Variants in ATP1A4 observed in about 807,000 individuals in gnomAD.
The protein encoded by ATP1A4 is sodium/potassium-transporting ATPase subunit alpha-4.
In ATP1A4, 90 loss-of-function variants were observed where a neutral mutation model predicts 114.3. The observed-to-expected ratio is 0.79, with a 90% CI of 0.66 to 0.94. The LOEUF is 0.94. ATP1A4 is among the 40% of genes least tolerant of loss of function. The pLI, the probability that ATP1A4 is intolerant of heterozygous loss-of-function variation, is 0.00. For missense variants in ATP1A4, 1,222 were observed against 1,313.6 expected (o/e 0.93, Z 1.08); for synonymous variants, 511 against 494.1 (o/e 1.03, Z -0.45).
rs1304435803 is a variant in ATP1A4, at chr1:160,181,961, G to C, written c.2899G>C (p.Glu967Gln). Reference protein sequence around the residue: ...NKVLIFGILEETLLAAFLSYT... With the variant: ...NKVLIFGILEQTLLAAFLSYT... ...AGTCTTAATATTTGGGATCCTGGAG[G>C]AGACACTCTTGGCTGCATTTCTGTC... Residue 967 changes from glutamate to glutamine, a missense_variant, in exon 20 of 22, where the codon GAG becomes CAG. Coordinates refer to ENST00000368081, the MANE Select transcript of ATP1A4 (RefSeq NM_144699.4). 1.9e-6 allele frequency: 3 copies of C among 1,614,048 alleles called. No individual in the cohort carries two copies.
At chr1:160,156,367 T>C (rs55950841) in intron 4 of ATP1A4, among the ~76,000 whole-genome samples, 8,544 of 151,410 alleles carry the variant, frequency 0.056, 262 homozygotes, top group Non-Finnish European at 0.064. Context: ...TGAAGTGCTC[T>C]GATCTAGAAG....
intron 6 of ATP1A4, 34 bp from the exon 7 acceptor site, chr1:160,164,119 CACA>C: frequency 6.2e-7 from 1 of 1,604,358 alleles, no homozygotes; most frequent in South Asian, 1.1e-5. Context: ...CTTATCATAT[CACA>C]ACATCACATT....
chr1:160,162,366 T>A (rs1393817660), intron 6 of ATP1A4, among the ~76,000 whole-genome samples: 4 of 152,122 alleles, frequency 2.6e-5, no homozygotes, highest in Non-Finnish European at 5.9e-5. Flanking sequence ...AAGCCAAACA[T>A]GATGTCCAAG....
chr1:160,183,260 G>A (rs1476610098), intron 20 of ATP1A4: 4 of 152,176 alleles, frequency 2.6e-5, no homozygotes, highest in Non-Finnish European at 5.9e-5. Context: ...TTTACACGTA[G>A]AAATGGGCAT....
At chr1:160,166,820 G>A (rs1653057542) in intron 8 of ATP1A4, 94 bp downstream of exon 8, 5 of 1,556,154 alleles carry the variant, frequency 3.2e-6, no homozygotes, top group East Asian at 2.3e-5. Context: ...AGACAGGAGG[G>A]AGCCTGAAAG....
At position 160,174,271 on chromosome 1, in the gene ATP1A4, G is replaced by A. The variant is rs768442395; in HGVS notation, c.2142+10G>A. ...GGGATGTCAGAGGCTGGTAAGGAAC[G>A]AAAAGGAGCCCCAAGGAAACTGGCA... On this transcript the variant is annotated intron_variant, in intron 14 of 21. Coordinates refer to ENST00000368081, the MANE Select transcript of ATP1A4 (RefSeq NM_144699.4). 5.0e-6 allele frequency: 8 copies of A among 1,614,016 alleles called. No individual in the cohort carries two copies. The East Asian group carries it at 8.9e-5, about 18-fold the overall frequency.
chr1:160,176,692 AT>A, intron 17 of ATP1A4, 90 bp downstream of exon 17: 1 of 1,543,600 alleles, frequency 6.5e-7, no homozygotes, highest in Non-Finnish European at 8.8e-7. Context: ...AGTCAGGGAG[AT>A]ATTTTCTCAG....
intron 4 of ATP1A4, among the ~76,000 whole-genome samples, chr1:160,158,427 A>G (rs952154374): frequency 6.6e-6 from 1 of 152,048 alleles, no homozygotes; most frequent in African/African-American, 2.4e-5. Context: ...CTCAGACTGA[A>G]GCGTAGTGAT....
chr1:160,169,280 C>T (rs1260663897), intron 10 of ATP1A4, among the ~76,000 whole-genome samples: 10 of 152,206 alleles, frequency 6.6e-5, no homozygotes, highest in East Asian at 1.9e-4. Context: ...AAAAATGAAA[C>T]GAAGAAGATG....
At chr1:160,182,223 T>C (rs534984116) in intron 20 of ATP1A4, among the ~76,000 whole-genome samples, 192 bp downstream of exon 20, 11 of 152,344 alleles carry the variant, frequency 7.2e-5, no homozygotes, top group African/African-American at 2.6e-4. Context: ...TATTAGAGAC[T>C]GTGCCAAATG....
chr1:160,152,254 T>A (rs907966855), intron 1 of ATP1A4, 67 bp downstream of exon 1: 56 of 1,542,738 alleles, frequency 3.6e-5, no homozygotes, highest in Non-Finnish European at 4.7e-5. Context: ...ATCTTTAACA[T>A]CTTACCTTGA....
At position 160,177,836 on chromosome 1, in the gene ATP1A4, C is replaced by T. The variant is rs562664403; in HGVS notation, c.2736+172C>T. Among the ~76,000 whole-genome samples the T allele has an allele frequency of 1.1e-4, 17 of 152,322 alleles. No homozygotes were observed. In the East Asian group the frequency reaches 3.1e-3, roughly 28 times the overall value. ...CTCACACTTGCCCTCAGTCTTCAGC[C>T]ACAACAGCAAATCCTCTTCTGTTTA... On this transcript the variant is annotated intron_variant, in intron 18 of 21. Coordinates refer to ENST00000368081, the MANE Select transcript of ATP1A4 (RefSeq NM_144699.4).
chr1:160,169,655 C>G (rs950558548), intron 10 of ATP1A4: 2 of 152,212 alleles, frequency 1.3e-5, no homozygotes, highest in African/African-American at 2.4e-5. Flanking sequence ...TTCAATGCAT[C>G]GATTTTGTTC....
At chr1:160,177,988 C>A (rs1381027675) in intron 18 of ATP1A4, among the ~76,000 whole-genome samples, 1 of 152,202 alleles carries the variant, frequency 6.6e-6, no homozygotes. Context: ...CAGGTTTCAA[C>A]CATGATTGCC....
At position 160,151,909 on chromosome 1, in the gene ATP1A4, G is replaced by T; in HGVS notation, c.-132G>T. 1.0e-6 allele frequency: 1 copy of T among 1,004,312 alleles called. No individual in the cohort carries two copies. The highest frequency in any genetic ancestry group is 1.4e-6 in the Non-Finnish European group (1 of 708,448). The allele number at this position is 1,004,312 out of a possible 1,614,324, so 62.2% of individuals were successfully genotyped here. A position where few individuals can be genotyped will look rare whatever the true frequency, so the allele number is the denominator to read the frequency against. ...CCTCCCTCCCTGCCTCTTTCTTTCT[G>T]CTCCCTCATTCTCTCCCCACCACTC... On this transcript the variant is annotated 5_prime_UTR_variant, in exon 1 of 22. Transcript: ENST00000368081.
intron 1 of ATP1A4, among the ~76,000 whole-genome samples, chr1:160,152,781 A>T (rs1052710694): frequency 6.6e-6 from 1 of 152,150 alleles, no homozygotes; most frequent in African/African-American, 2.4e-5. Context: ...TCACACCTGT[A>T]ATCCCAGCAC....
chr1:160,161,066 A>G (rs904731477), intron 6 of ATP1A4, among the ~76,000 whole-genome samples: 11 of 152,208 alleles, frequency 7.2e-5, no homozygotes, highest in Middle Eastern at 3.2e-3. Context: ...CTGTTTAGAT[A>G]GAAAATGGTT....
At chr1:160,180,694 C>CTTTTTTTT (rs536915261) in intron 18 of ATP1A4, among the ~76,000 whole-genome samples, 1 of 68,408 alleles carries the variant, frequency 1.5e-5, no homozygotes, top group African/African-American at 6.5e-5. Context: ...GCCTTCTTCC[C>CTTTTTTTT]TTTTTTTTTT....
At position 160,171,681 on chromosome 1, in the gene ATP1A4, G is replaced by A. The variant is rs1653267197; in HGVS notation, c.1778G>A (p.Gly593Asp). ...NFPMDNLCFV[G>D]LISMIDPPRA... ...CCCATGGACAACCTTTGTTTTGTGGGCCTCATATCCATGATTGACCCTCCC... is the reference window on the plus strand; with the variant it reads ...CCCATGGACAACCTTTGTTTTGTGGACCTCATATCCATGATTGACCCTCCC... Residue 593 changes from glycine (G) to aspartate (D), a missense_variant, in exon 12 of 22, where the codon GGC becomes GAC. By Grantham distance (94) the Gly-to-Asp change is moderately conservative. Coordinates refer to ENST00000368081, the MANE Select transcript of ATP1A4 (RefSeq NM_144699.4). 1.2e-6 allele frequency: 2 copies of A among 1,614,076 alleles called. No individual in the cohort carries two copies. Among genetic ancestry groups the A allele is most frequent in the Non-Finnish European group, 8.5e-7 (1 of 1,180,012 alleles).
Sources: allele counts gnomAD v4.1 joint callset (sites outside exome capture counted in the v4.1 genomes callset), GRCh38; gene constraint gnomAD v4.1.1; transcripts MANE v1.5; gene names NCBI Gene and HGNC (gene_info 2026-07-23, HGNC 2026-07-21).